Variants in KIAA1328 observed in about 807,000 individuals in gnomAD.
The protein encoded by KIAA1328 is protein hinderin.
Under a neutral mutation model 68.1 loss-of-function variants are expected in KIAA1328, and 52 were observed. That is an observed-to-expected ratio of 0.76 (90% CI 0.61 to 0.96). KIAA1328 has a LOEUF of 0.96. Ranked by LOEUF, KIAA1328 falls within the 40% of genes least tolerant of loss-of-function variation. The pLI is 0.00. For synonymous variants in KIAA1328, 232 were observed against 239.4 expected (o/e 0.97, Z 0.28); for missense variants, 641 against 677.6 (o/e 0.95, Z 0.60).
chr18:37,087,979 AGAG>A (rs1417379644), intron 7 of KIAA1328, among the ~76,000 whole-genome samples: 6 of 152,184 alleles, frequency 3.9e-5, no homozygotes, highest in Non-Finnish European at 7.3e-5. Flanking sequence ...GGGGACAGAT[AGAG>A]GAGGACACGT....
rs900372439 is a variant in KIAA1328, at chr18:37,029,565, C to T, written c.577-37325C>T. Among the ~76,000 whole-genome samples the T allele has an allele frequency of 3.3e-4, 50 of 152,138 alleles. 1 individual carries two copies. The highest frequency in any genetic ancestry group is 1.2e-3 in the African/African-American group (48 of 41,500). The stretch of plus-strand genomic sequence containing the variant: ...ATTTTTTGTAGAGACAGGGTTTCAC[C>T]GTGTTGCCAGGTACGTGTCAAGTTT... On this transcript the variant is annotated intron_variant, in intron 6 of 9. Transcript: ENST00000280020.
rs1227743558 is a variant in KIAA1328, at chr18:36,917,141, C to A, written c.448+31469C>A. 2.0e-5 allele frequency among the ~76,000 whole-genome samples: 3 copies of A among 152,118 alleles called. No individual in the cohort carries two copies. The East Asian group carries it at 5.8e-4, about 29-fold the overall frequency. ...ATTTTTATAACAAAGTCTTTCATTT[C>A]CATTGATTTCCTTCATGGGTCATGT... On this transcript the variant is annotated intron_variant, in intron 5 of 9. Coordinates refer to ENST00000280020, the MANE Select transcript of KIAA1328 (RefSeq NM_020776.3).
intron 6 of KIAA1328, among the ~76,000 whole-genome samples, chr18:37,032,213 C>A (rs1167029071): frequency 6.6e-6 from 1 of 152,116 alleles, no homozygotes; most frequent in Non-Finnish European, 1.5e-5. Flanking sequence ...GTAATATTTA[C>A]CAGATCATGT....
chr18:37,066,300 A>G (rs1226940491), intron 6 of KIAA1328, among the ~76,000 whole-genome samples: 1 of 152,218 alleles, frequency 6.6e-6, no homozygotes, highest in Non-Finnish European at 1.5e-5. Context: ...ATGTTTGTAG[A>G]TGAAATTAAG....
intron 4 of KIAA1328, among the ~76,000 whole-genome samples, chr18:36,879,808 C>T (rs2048269311): frequency 6.6e-6 from 1 of 152,170 alleles, no homozygotes; most frequent in Non-Finnish European, 1.5e-5. Context: ...TTCAAACTTC[C>T]CACTGGCTTT....
intron 5 of KIAA1328, among the ~76,000 whole-genome samples, chr18:36,922,866 C>A (rs1241784215): frequency 6.6e-6 from 1 of 151,926 alleles, no homozygotes; most frequent in Admixed American, 6.6e-5. Flanking sequence ...ATTTGGGGGT[C>A]ATTTTACGTA....
At chr18:37,165,856 G>T (rs945569764) in intron 8 of KIAA1328, among the ~76,000 whole-genome samples, 13 of 151,908 alleles carry the variant, frequency 8.6e-5, no homozygotes, top group Admixed American at 5.9e-4. Flanking sequence ...GCAGATGGAG[G>T]CTTTTTGAAA....
chr18:37,152,441 A>C (rs1452692650), intron 7 of KIAA1328, among the ~76,000 whole-genome samples: 2 of 152,292 alleles, frequency 1.3e-5, no homozygotes, highest in East Asian at 3.9e-4. Flanking sequence ...TGTTCTCCCT[A>C]GTAGAAGGCG....
intron 9 of KIAA1328, among the ~76,000 whole-genome samples, chr18:37,212,351 A>G (rs1270085890): frequency 6.6e-6 from 1 of 152,226 alleles, no homozygotes; most frequent in Non-Finnish European, 1.5e-5. Context: ...ACAGATTTTC[A>G]TACCATAGAA....
At chr18:36,872,752 G>A (rs1259014376) in intron 4 of KIAA1328, among the ~76,000 whole-genome samples, 6 of 152,124 alleles carry the variant, frequency 3.9e-5, no homozygotes, top group African/African-American at 9.7e-5. Context: ...AACAGACACC[G>A]GTGCAGTTAT....
intron 7 of KIAA1328, among the ~76,000 whole-genome samples, chr18:37,142,100 A>G (rs1415417490): frequency 6.6e-6 from 1 of 152,222 alleles, no homozygotes; most frequent in African/African-American, 2.4e-5. Flanking sequence ...GAAGTTATAT[A>G]GTTTTAACTT....
At chr18:36,841,999 C>G (rs918999918) in intron 3 of KIAA1328, among the ~76,000 whole-genome samples, 2 of 150,388 alleles carry the variant, frequency 1.3e-5, no homozygotes, top group Admixed American at 1.3e-4. Context: ...TATTTCATTT[C>G]TTTTCACCGT....
intron 8 of KIAA1328, among the ~76,000 whole-genome samples, chr18:37,170,804 T>C (rs983512033): frequency 6.6e-6 from 1 of 152,182 alleles, no homozygotes; most frequent in Non-Finnish European, 1.5e-5. Flanking sequence ...TTATTTTCCT[T>C]ATCTGCAAAT....
chr18:37,175,441 T>C (rs1386668114), intron 9 of KIAA1328, among the ~76,000 whole-genome samples: 2 of 152,216 alleles, frequency 1.3e-5, no homozygotes, highest in Non-Finnish European at 2.9e-5. Flanking sequence ...ATTATCTATT[T>C]GTCCTTAATA....
intron 7 of KIAA1328, among the ~76,000 whole-genome samples, chr18:37,085,709 GA>G (rs779481912): frequency 2.0e-4 from 30 of 151,990 alleles, no homozygotes; most frequent in Non-Finnish European, 3.2e-4. Context: ...TTCTGCTATG[GA>G]AATTGATGAT....
intron 7 of KIAA1328, 38 bp downstream of exon 7, chr18:37,067,583 C>G: frequency 7.0e-7 from 1 of 1,426,568 alleles, no homozygotes; most frequent in Non-Finnish European, 9.1e-7. Context: ...TTTTTTGAGA[C>G]GAAATCTCGC....
chr18:37,174,837 T>A (rs1366590517), intron 9 of KIAA1328, among the ~76,000 whole-genome samples: 2 of 151,666 alleles, frequency 1.3e-5, no homozygotes, highest in African/African-American at 2.4e-5. Flanking sequence ...TTGTGATCTG[T>A]TTTTTTGGTA....
chr18:37,047,532 T>C (rs922517059), intron 6 of KIAA1328, among the ~76,000 whole-genome samples: 6 of 152,184 alleles, frequency 3.9e-5, no homozygotes, highest in South Asian at 2.1e-4. Context: ...TACATATTTA[T>C]TTTCATCATC....
At chr18:37,003,038 G>A (rs1168126509) in intron 6 of KIAA1328, among the ~76,000 whole-genome samples, 1 of 151,610 alleles carries the variant, frequency 6.6e-6, no homozygotes, top group East Asian at 1.9e-4. Context: ...CCACTTATTA[G>A]TATCAGCCAA....
Sources: allele counts gnomAD v4.1 joint callset (sites outside exome capture counted in the v4.1 genomes callset), GRCh38; gene constraint gnomAD v4.1.1; transcripts MANE v1.5; gene names NCBI Gene and HGNC (gene_info 2026-07-23, HGNC 2026-07-21).